The following PROX1 variants were observed in gnomAD, a reference collection of about 807,000 sequenced individuals.
PROX1 encodes prospero homeobox 1.
A neutral mutation model predicts 58.8 loss-of-function variants in PROX1; 7 were observed. The ratio of observed to expected loss-of-function variants is 0.12; its 90% CI spans 0.07 to 0.22. The LOEUF (loss-of-function observed/expected upper bound fraction) is 0.22, where lower values mean the gene tolerates loss of function less well. Among genes scored for constraint, PROX1 ranks in the 10% least tolerant of loss-of-function variants. PROX1 has a pLI of 1.00. For synonymous variants in PROX1, 350 were observed against 358.3 expected (o/e 0.98, Z 0.26); for missense variants, 675 against 927.8 (o/e 0.73, Z 3.54).
intron 4 of PROX1, among the ~76,000 whole-genome samples, chr1:214,033,065 TGAACAA>T (rs1325971054): frequency 6.6e-6 from 1 of 152,140 alleles, no homozygotes; most frequent in Admixed American, 6.5e-5. Flanking sequence ...CTGACAGTCT[TGAACAA>T]TGCCTGCCCT....
intron 3 of PROX1, among the ~76,000 whole-genome samples, chr1:214,008,718 T>C (rs1215458394): frequency 6.6e-6 from 1 of 152,178 alleles, no homozygotes; most frequent in Non-Finnish European, 1.5e-5. Context: ...AATTCAGAGA[T>C]GTTGGCATGG....
At chr1:214,013,333 G>T (rs534264161) in intron 4 of PROX1, among the ~76,000 whole-genome samples, 29 of 152,246 alleles carry the variant, frequency 1.9e-4, no homozygotes, top group African/African-American at 7.0e-4. Context: ...CCATTTTAAA[G>T]AAATCTCATT....
intron 4 of PROX1, among the ~76,000 whole-genome samples, chr1:214,021,557 T>A (rs1365341587): frequency 6.6e-6 from 1 of 152,228 alleles, no homozygotes; most frequent in African/African-American, 2.4e-5. Context: ...TGTAATGCGC[T>A]TCCAGCCTGA....
At chr1:213,984,015 A>G (rs2102667873), upstream of PROX1, 1 of 152,292 alleles carries the variant, frequency 6.6e-6, no homozygotes, top group East Asian at 1.9e-4. Context: ...GCTCACCACC[A>G]TCTGTTAATA....
At chr1:214,007,111 G>A (rs1274724937) in intron 3 of PROX1, among the ~76,000 whole-genome samples, 36 of 152,330 alleles carry the variant, frequency 2.4e-4, no homozygotes, top group Non-Finnish European at 1.5e-4. Flanking sequence ...TTATTGATCT[G>A]TAGCTTTATA....
At chr1:214,016,471 C>T (rs1664099696) in intron 4 of PROX1, among the ~76,000 whole-genome samples, 1 of 152,180 alleles carries the variant, frequency 6.6e-6, no homozygotes, top group Non-Finnish European at 1.5e-5. Context: ...GAGCCTTTCA[C>T]TGCTGTTGCA....
chr1:214,001,666 C>G (rs1663515929), intron 2 of PROX1, among the ~76,000 whole-genome samples: 1 of 152,074 alleles, frequency 6.6e-6, no homozygotes, highest in African/African-American at 2.4e-5. Flanking sequence ...AAATTAAAAT[C>G]CAACCAGGAA....
At chr1:214,029,509 A>T (rs758817136) in intron 4 of PROX1, 1 of 152,250 alleles carries the variant, frequency 6.6e-6, no homozygotes, top group Non-Finnish European at 1.5e-5. Context: ...AAACAATAAA[A>T]GCAGTTTGAC....
Position 214,038,675 on chromosome 1 carries a change from C to T in PROX1, c.*2841C>T, listed in dbSNP as rs1310026188. On this transcript the variant is annotated 3_prime_UTR_variant, in exon 5 of 5. Coordinates refer to ENST00000366958, the MANE Select transcript of PROX1 (RefSeq NM_001270616.2). ...GATTTTAAAAAATCCTTCAAAATAC[C>T]AGTTTTTTCCCAACAAGTACAATTG... 6.6e-6 allele frequency: 1 copy of T among 152,010 alleles called. No homozygotes were observed. Among genetic ancestry groups the T allele is most frequent in the African/African-American group, 2.4e-5 (1 of 41,372 alleles). The allele number at this position is 152,010 out of a possible 1,614,324, so 9.4% of individuals were successfully genotyped here. A position where few individuals can be genotyped will look rare whatever the true frequency, so the allele number is the denominator to read the frequency against.
At chr1:213,990,505 C>A (rs1465875547) in intron 1 of PROX1, among the ~76,000 whole-genome samples, 3 of 152,110 alleles carry the variant, frequency 2.0e-5, no homozygotes, top group African/African-American at 7.2e-5. Flanking sequence ...ACTGCTGAGG[C>A]TGTGTCCCAG....
upstream of PROX1, chr1:213,985,839 C>G (rs1488134593): frequency 6.6e-6 from 1 of 152,346 alleles, no homozygotes; most frequent in Non-Finnish European, 1.5e-5. Context: ...CCCTACTCCC[C>G]CCTCCTCCTT....
chr1:213,985,326 G>C (rs1010697896), upstream of PROX1: 2 of 152,446 alleles, frequency 1.3e-5, no homozygotes, highest in South Asian at 4.1e-4. Context: ...AGGGCAGCCC[G>C]AGACCCAGGA....
rs367596069 is a variant in PROX1 at position 213,997,951 on chromosome 1, C to T, written c.1416C>T (p.Thr472=). 6.8e-6 allele frequency: 11 copies of T among 1,613,904 alleles called. No homozygotes were observed. The African/African-American group carries it at 1.5e-4, about 22-fold the overall frequency. The change falls in exon 2 of 5, where the codon ACC becomes ACT. Residue 472 remains threonine, a synonymous_variant. Transcript: ENST00000366958. This position sits in a 1 kb window ranked among gnomAD's most constrained non-coding sequence, Gnocchi z 7.1. ...TGCACCAGTCGCCTCTCTCTGCCAC[C>T]ACGGGCTTCACCACGTCCACCTTCC... ...QPLHQSPLSA[T]TGFTTSTFRH...
At chr1:213,998,344 T>C (rs997973836) in intron 2 of PROX1, 84 bp downstream of exon 2, 115 of 1,417,592 alleles carry the variant, frequency 8.1e-5, no homozygotes, top group Non-Finnish European at 1.1e-5. Context: ...TCTAGAGTAA[T>C]GTAGATTAGT....
intron 2 of PROX1, among the ~76,000 whole-genome samples, chr1:214,000,035 C>CTG (rs575519179): frequency 3.5e-5 from 5 of 142,232 alleles, no homozygotes; most frequent in African/African-American, 1.4e-4. Context: ...CTGTCTCTCT[C>CTG]TCTCTCTTAC....
chr1:214,014,234 A>G (rs970481068), intron 4 of PROX1, among the ~76,000 whole-genome samples: 1 of 152,132 alleles, frequency 6.6e-6, no homozygotes, highest in Non-Finnish European at 1.5e-5. Flanking sequence ...GAATACCTCC[A>G]CTGATACTGT....
chr1:213,986,647 C>T (rs1662832254), upstream of PROX1, among the ~76,000 whole-genome samples: 1 of 152,226 alleles, frequency 6.6e-6, no homozygotes, highest in African/African-American at 2.4e-5. Context: ...CACACGAAGA[C>T]TACTTGTCCT....
At chr1:214,008,821 C>T (rs1462340024) in intron 3 of PROX1, among the ~76,000 whole-genome samples, 1 of 152,176 alleles carries the variant, frequency 6.6e-6, no homozygotes, top group Non-Finnish European at 1.5e-5. Context: ...AAACAAAGTT[C>T]TATGTTCTCA....
At chr1:214,010,531 A>G (rs1326072769) in intron 3 of PROX1, among the ~76,000 whole-genome samples, 1 of 152,038 alleles carries the variant, frequency 6.6e-6, no homozygotes. Context: ...GCCTGTGATG[A>G]CAAAAGGCAG....
Sources: gnomAD v4.1 joint callset for allele counts (sites outside exome capture counted in the v4.1 genomes callset) on GRCh38, gnomAD v4.1.1 for gene constraint, Gnocchi (gnomAD v3.1) non-coding constraint, MANE v1.5 for transcripts, NCBI Gene and HGNC (gene_info 2026-07-23, HGNC 2026-07-21) for gene names.